Variants in WFIKKN2 observed in about 807,000 individuals in gnomAD.
The protein encoded by WFIKKN2 is WAP, Kazal, immunoglobulin, Kunitz and NTR domain-containing protein 2.
Under a neutral mutation model 39.2 loss-of-function variants are expected in WFIKKN2, and 25 were observed. The observed-to-expected ratio is 0.64, with a 90% CI of 0.47 to 0.89. The LOEUF (loss-of-function observed/expected upper bound fraction) is 0.89, where lower values mean the gene tolerates loss of function less well. Among genes scored for constraint, WFIKKN2 ranks in the 40% least tolerant of loss-of-function variants. WFIKKN2 has a pLI of 0.00. For missense variants in WFIKKN2, 770 were observed against 811.7 expected, an observed-to-expected ratio of 0.95 and a Z score of 0.62; for synonymous variants, 345 against 329.7, an observed-to-expected ratio of 1.05 and a Z score of -0.50.
chr17:50,834,792 C>G (rs1033684711), upstream of WFIKKN2: 1 of 152,296 alleles, frequency 6.6e-6, no homozygotes, highest in African/African-American at 2.4e-5. Flanking sequence ...TCTGTGCGAC[C>G]TTGGACAAGT....
At chr17:50,839,447 C>CCCCT in intron 1 of WFIKKN2, 52 bp from the exon 2 acceptor site, 1 of 1,521,954 alleles carries the variant, frequency 6.6e-7, no homozygotes, top group Non-Finnish European at 8.9e-7. Context: ...GGATAGGGAG[C>CCCCT]CCCTCCTTTC....
rs1244179136 is a variant in WFIKKN2 at position 50,836,103 on chromosome 17, G to A, written c.166G>A (p.Val56Met). The A allele has an allele frequency of 1.1e-5, 17 of 1,613,080 alleles. No individual in the cohort carries two copies. The highest frequency in any genetic ancestry group is 1.7e-5 in the Admixed American group (1 of 59,902). ...CAACGACATGAATCCCAACCTCTGG[G>A]TGGACGCACAGAGCACCTGCAGGCG... Reference protein sequence around the residue: ...CPNDMNPNLWVDAQSTCRREC... With the variant: ...CPNDMNPNLWMDAQSTCRREC... The change falls in exon 1 of 2, where the codon GTG becomes ATG. Residue 56 changes from valine (V) to methionine (M), a missense_variant. Physicochemically the swap from Val to Met is conservative, Grantham distance 21. Transcript: ENST00000311378.
chr17:50,839,835 A>G lies in WFIKKN2; in HGVS notation c.547A>G (p.Asn183Asp), dbSNP rs1240279183. Residue 183 changes from asparagine (N) to aspartate (D), a missense_variant, in exon 2 of 2, where the codon AAC becomes GAC. Physicochemically the swap from Asn to Asp is conservative, Grantham distance 23. Coordinates refer to ENST00000311378, the MANE Select transcript of WFIKKN2 (RefSeq NM_175575.6). ...VTCRYHFTWP[N>D]TSPPPPETTM... ...CTGCCGCTATCACTTCACCTGGCCCAACACCAGCCCCCCACCACCTGAGAC... is the reference window on the plus strand; with the variant it reads ...CTGCCGCTATCACTTCACCTGGCCCGACACCAGCCCCCCACCACCTGAGAC... 2 of 1,614,138 alleles carry G rather than the reference A, an allele frequency of 1.2e-6. No homozygotes were observed. The highest frequency in any genetic ancestry group is 2.2e-5 in the South Asian group (2 of 91,080).
In WFIKKN2 at chr17:50,841,011, T is replaced by C; in HGVS notation, c.1723T>C (p.Leu575=). 1 of 1,532,486 alleles carries C rather than the reference T, an allele frequency of 6.5e-7. No homozygotes were observed. Among genetic ancestry groups the C allele is most frequent in the South Asian group, 1.3e-5 (1 of 78,956 alleles). 94.9% of individuals were successfully genotyped at this position (1,532,486 alleles called of 1,614,324 possible). A position where few individuals can be genotyped will look rare whatever the true frequency, so the allele number is the denominator to read the frequency against. Residue 575 remains leucine, a synonymous_variant, in exon 2 of 2, where the codon TTG becomes CTG. Transcript: ENST00000311378. The part of the protein sequence containing the change: ...TCDVLKEFLG[L]H ...TGACGTCCTCAAGGAGTTTCTTGGC[T>C]TGCACTGAAGCCCCCCACCCCTCCC... is the stretch of plus-strand genomic sequence containing the variant.
chr17:50,837,850 C>T (rs938353893), intron 1 of WFIKKN2, among the ~76,000 whole-genome samples: 2 of 152,214 alleles, frequency 1.3e-5, no homozygotes, highest in African/African-American at 4.8e-5. Context: ...TTTGCAGGCA[C>T]AGGCTGGCCT....
At chr17:50,837,937 G>A (rs1329312455) in intron 1 of WFIKKN2, among the ~76,000 whole-genome samples, 2 of 152,186 alleles carry the variant, frequency 1.3e-5, no homozygotes, top group African/African-American at 4.8e-5. Flanking sequence ...ACCTGTGGAA[G>A]GCTGGGTATC....
chr17:50,835,840 G>C lies in WFIKKN2; in HGVS notation c.-98G>C, dbSNP rs1239726979. The C allele has an allele frequency of 1.5e-6, 2 of 1,334,966 alleles. No individual in the cohort carries two copies. The highest frequency in any genetic ancestry group is 1.5e-5 in the African/African-American group (1 of 68,260). 82.7% of individuals were successfully genotyped at this position (1,334,966 alleles called of 1,614,324 possible). Reference sequence around the variant, plus strand: ...CTGAGCAGGAAACCTGCTGGGGTGGGGAGGGCAGGTGTCTGCAGCCCCTGA... The same window carrying C: ...CTGAGCAGGAAACCTGCTGGGGTGGCGAGGGCAGGTGTCTGCAGCCCCTGA... On this transcript the variant is annotated 5_prime_UTR_variant, in exon 1 of 2. Transcript: ENST00000311378.
In WFIKKN2 at chr17:50,838,516, A is replaced by G. The variant is rs187086352; in HGVS notation, c.211-983A>G. On this transcript the variant is annotated intron_variant, in intron 1 of 1. Transcript: ENST00000311378. The stretch of plus-strand genomic sequence containing the variant: ...ACGATGTGTTATTGTCGAAAACACC[A>G]CGTGAAATCCTTGTTTGTGTCAGCT... 2.6e-4 allele frequency among the ~76,000 whole-genome samples: 40 copies of G among 152,332 alleles called. 1 individual carries two copies. The highest frequency in any genetic ancestry group is 5.2e-4 in the Admixed American group (8 of 15,306).
chr17:50,836,132 G>T lies in WFIKKN2; in HGVS notation c.195G>T (p.Glu65Asp), dbSNP rs757313230. ...WVDAQSTCRR[E>D]CETDQECETY... ...ACGCACAGAGCACCTGCAGGCGGGA[G>T]TGTGAGACGGACCAGGTGAGTGGGG... Residue 65 changes from glutamate (E) to aspartate (D), a missense_variant, in exon 1 of 2, where the codon GAG (glutamate) becomes GAT (aspartate). Transcript: ENST00000311378. 2 of 1,613,170 alleles carry T rather than the reference G, an allele frequency of 1.2e-6. No individual in the cohort carries two copies. Among genetic ancestry groups the T allele is most frequent in the East Asian group, 4.5e-5 (2 of 44,858 alleles).
chr17:50,838,999 G>A (rs1971994603), intron 1 of WFIKKN2, among the ~76,000 whole-genome samples: 1 of 152,196 alleles, frequency 6.6e-6, no homozygotes, highest in Non-Finnish European at 1.5e-5. Flanking sequence ...GACCTCATTT[G>A]TGCTATATGA....
rs1324408443 is a variant in WFIKKN2 at position 50,841,034 on chromosome 17, C to T, written c.*15C>T. Reference sequence around the variant, plus strand: ...GCTTGCACTGAAGCCCCCCACCCCTCCCTGCCCCCTCCCTGGCCTTCTTCC... The same window carrying T: ...GCTTGCACTGAAGCCCCCCACCCCTTCCTGCCCCCTCCCTGGCCTTCTTCC... On this transcript the variant is annotated 3_prime_UTR_variant, in exon 2 of 2. Coordinates refer to ENST00000311378, the MANE Select transcript of WFIKKN2 (RefSeq NM_175575.6). 19 of 1,507,500 alleles carry T rather than the reference C, an allele frequency of 1.3e-5. No homozygotes were observed. The South Asian group carries it at 2.4e-4, about 19-fold the overall frequency. 93.4% of individuals were successfully genotyped at this position (1,507,500 alleles called of 1,614,324 possible).
At chr17:50,837,386 C>T (rs1971973116) in intron 1 of WFIKKN2, among the ~76,000 whole-genome samples, 1 of 152,186 alleles carries the variant, frequency 6.6e-6, no homozygotes, top group Non-Finnish European at 1.5e-5. Flanking sequence ...CGTCCTTGGT[C>T]CTGCCTTCTG....
rs1201697238 is a variant in WFIKKN2, at chr17:50,839,460, CCTT to C, written c.211-36_211-34del. The C allele has an allele frequency of 4.5e-6, 7 of 1,566,548 alleles. No individual in the cohort carries two copies. The Admixed American group carries it at 8.9e-5, about 20-fold the overall frequency. On this transcript the variant is annotated intron_variant, in intron 1 of 1. Transcript: ENST00000311378. The stretch of plus-strand genomic sequence containing the variant: ...TAGGATAGGGAGCCCCTCCTTTCCT[CCTT>C]CTCCCTGTTCAGGCCACTCTCTCTG...
Position 50,841,038 on chromosome 17 carries a change from G to GC in WFIKKN2, c.*24dup. The stretch of plus-strand genomic sequence containing the variant: ...GCACTGAAGCCCCCCACCCCTCCCT[G>GC]CCCCCTCCCTGGCCTTCTTCCACCT... On this transcript the variant is annotated 3_prime_UTR_variant, in exon 2 of 2. Coordinates refer to ENST00000311378, the MANE Select transcript of WFIKKN2 (RefSeq NM_175575.6). The GC allele has an allele frequency of 6.9e-7, 1 of 1,444,776 alleles. No individual in the cohort carries two copies. The highest frequency in any genetic ancestry group is 9.1e-7 in the Non-Finnish European group (1 of 1,096,336). The allele number at this position is 1,444,776 out of a possible 1,614,324, so 89.5% of individuals were successfully genotyped here.
chr17:50,836,853 G>C (rs1246186263), intron 1 of WFIKKN2, among the ~76,000 whole-genome samples: 1 of 152,212 alleles, frequency 6.6e-6, no homozygotes, highest in African/African-American at 2.4e-5. Context: ...ATGGGGGTGG[G>C]AGCCACAGGG....
intron 1 of WFIKKN2, among the ~76,000 whole-genome samples, chr17:50,838,632 C>T (rs566805718): frequency 6.6e-6 from 1 of 152,366 alleles, no homozygotes; most frequent in East Asian, 1.9e-4. Context: ...GGCAAGTCCT[C>T]GCTGACGGCC....
chr17:50,837,305 C>G (rs140178982), intron 1 of WFIKKN2, among the ~76,000 whole-genome samples: 1 of 152,192 alleles, frequency 6.6e-6, no homozygotes, highest in African/African-American at 2.4e-5. Context: ...TGACGGCAGG[C>G]CAAGCAGGAG....
Position 50,835,606 on chromosome 17 carries a change from T to G in WFIKKN2, c.-332T>G, listed in dbSNP as rs1013722690. ...GGGACAGAGGCGCCAGCAGCCTGCCTGTGACAGGCATCAGGTTAGCTGGCT... is the reference window on the plus strand; with the variant it reads ...GGGACAGAGGCGCCAGCAGCCTGCCGGTGACAGGCATCAGGTTAGCTGGCT... On this transcript the variant is annotated 5_prime_UTR_variant, in exon 1 of 2. Transcript: ENST00000311378. 1 of 343,188 alleles carries G rather than the reference T, an allele frequency of 2.9e-6. No homozygotes were observed. The highest frequency in any genetic ancestry group is 4.7e-5 in the Admixed American group (1 of 21,100). 21.3% of individuals were successfully genotyped at this position (343,188 alleles called of 1,614,324 possible). A position where few individuals can be genotyped will look rare whatever the true frequency, so the allele number is the denominator to read the frequency against.
At position 50,840,098 on chromosome 17, in the gene WFIKKN2, C is replaced by T. The variant is rs1972017941; in HGVS notation, c.810C>T (p.Ala270=). The change falls in exon 2 of 2, where the codon GCC becomes GCT. Residue 270 remains alanine, a synonymous_variant. Coordinates refer to ENST00000311378, the MANE Select transcript of WFIKKN2 (RefSeq NM_175575.6). ...GCAACGTGGTGGTCACCAACATTGC[C>T]CAGCTGGTCATCTATAACGCCCAGC... is the stretch of plus-strand genomic sequence containing the variant. ...VRGNVVVTNI[A]QLVIYNAQLQ... The T allele has an allele frequency of 6.2e-7, 1 of 1,614,204 alleles. No individual in the cohort carries two copies. Among genetic ancestry groups the T allele is most frequent in the Non-Finnish European group, 8.5e-7 (1 of 1,180,034 alleles).
Sources: gnomAD v4.1 joint callset for allele counts (sites outside exome capture counted in the v4.1 genomes callset) on GRCh38, gnomAD v4.1.1 for gene constraint, MANE v1.5 for transcripts, NCBI Gene and HGNC (gene_info 2026-07-23, HGNC 2026-07-21) for gene names.